The following LRFN5 variants were observed in gnomAD, a reference collection of about 807,000 sequenced individuals.
LRFN5 encodes the protein leucine-rich repeat and fibronectin type-III domain-containing protein 5.
LRFN5 carries 24 observed loss-of-function variants against 45.6 expected under a neutral mutation model. That is an observed-to-expected ratio of 0.53 (90% CI 0.38 to 0.74). LRFN5 has a LOEUF of 0.74. LRFN5 is among the 30% of genes least tolerant of loss of function. LRFN5 has a pLI of 0.00. For synonymous variants in LRFN5, 340 were observed against 313.8 expected, an observed-to-expected ratio of 1.08 and a Z score of -0.88; for missense variants, 776 against 861.5, an observed-to-expected ratio of 0.90 and a Z score of 1.24.
intron 1 of LRFN5, among the ~76,000 whole-genome samples, chr14:41,689,429 C>T (rs1478794854): frequency 2.0e-5 from 3 of 151,990 alleles, no homozygotes; most frequent in Non-Finnish European, 4.4e-5. Context: ...AAAATCACTA[C>T]TGATCTTACA....
chr14:41,844,973 A>C (rs958811866), intron 2 of LRFN5, among the ~76,000 whole-genome samples: 1 of 152,156 alleles, frequency 6.6e-6, no homozygotes, highest in African/African-American at 2.4e-5. Flanking sequence ...TTTTGGCTTC[A>C]TGGAGGCCAA....
chr14:41,670,298 T>C lies in LRFN5; in HGVS notation c.-197+61736T>C, dbSNP rs1441815033. Among the ~76,000 whole-genome samples, 239 of 45,490 alleles carry C rather than the reference T, an allele frequency of 5.3e-3. 6 individuals are homozygous for C. The highest frequency in any genetic ancestry group is 0.022 in the African/African-American group (214 of 9,666). 29.8% of individuals were successfully genotyped at this position (45,490 alleles called of 152,430 possible). A position where few individuals can be genotyped will look rare whatever the true frequency, so the allele number is the denominator to read the frequency against. On this transcript the variant is annotated intron_variant, in intron 1 of 5. Coordinates refer to ENST00000298119, the MANE Select transcript of LRFN5 (RefSeq NM_152447.5). The stretch of plus-strand genomic sequence containing the variant: ...ATATATATATATATATATATATATA[T>C]ATATATACACACACACAGAAAGAAC...
intron 1 of LRFN5, among the ~76,000 whole-genome samples, chr14:41,660,837 A>G (rs935713401): frequency 6.6e-6 from 1 of 150,700 alleles, no homozygotes; most frequent in Non-Finnish European, 1.5e-5. Context: ...ATATATATAT[A>G]TAATTTTCTA....
At chr14:41,807,709 C>T (rs1887571185) in intron 2 of LRFN5, among the ~76,000 whole-genome samples, 1 of 151,968 alleles carries the variant, frequency 6.6e-6, no homozygotes, top group Non-Finnish European at 1.5e-5. Flanking sequence ...ATAGGAACAG[C>T]ATGTGATGAA....
chr14:41,634,701 C>A (rs1333990637), intron 1 of LRFN5, among the ~76,000 whole-genome samples: 2 of 152,126 alleles, frequency 1.3e-5, no homozygotes, highest in Admixed American at 6.6e-5. Context: ...GTACTAACGA[C>A]CCTCTGCTTA....
intron 2 of LRFN5, among the ~76,000 whole-genome samples, chr14:41,880,285 G>C (rs59920165): frequency 0.015 from 2,310 of 151,682 alleles, 57 homozygotes; most frequent in African/African-American, 0.052. Flanking sequence ...TTTTTGATCT[G>C]ATTTCTATTT....
At chr14:41,783,071 T>A (rs1165782317) in intron 2 of LRFN5, among the ~76,000 whole-genome samples, 1 of 148,904 alleles carries the variant, frequency 6.7e-6, no homozygotes, top group Non-Finnish European at 1.5e-5. Context: ...CCTGGTAAAA[T>A]CATTTCCTTT....
chr14:41,665,771 A>G (rs1473180674), intron 1 of LRFN5, among the ~76,000 whole-genome samples: 5 of 152,040 alleles, frequency 3.3e-5, no homozygotes, highest in African/African-American at 2.4e-5. Flanking sequence ...GCTCACTTCA[A>G]TTTTAATGTG....
intron 1 of LRFN5, among the ~76,000 whole-genome samples, chr14:41,755,994 G>A (rs187045571): frequency 1.3e-5 from 2 of 152,158 alleles, no homozygotes; most frequent in Non-Finnish European, 2.9e-5. Flanking sequence ...TTGCTTGTCT[G>A]TAAAGTATTT....
chr14:41,623,402 T>C (rs1012969099), intron 1 of LRFN5, among the ~76,000 whole-genome samples: 1 of 152,090 alleles, frequency 6.6e-6, no homozygotes, highest in African/African-American at 2.4e-5. Flanking sequence ...CCTCTTTCCT[T>C]TATAAATTAC....
At chr14:41,636,333 G>A (rs184524207) in intron 1 of LRFN5, among the ~76,000 whole-genome samples, 1 of 152,274 alleles carries the variant, frequency 6.6e-6, no homozygotes, top group Admixed American at 6.5e-5. Context: ...GCAATTAGGA[G>A]TTTTAAAATT....
At chr14:41,672,477 T>A (rs1426559717) in intron 1 of LRFN5, among the ~76,000 whole-genome samples, 1 of 152,212 alleles carries the variant, frequency 6.6e-6, no homozygotes, top group African/African-American at 2.4e-5. Context: ...ATCAAATACT[T>A]CTTAGGAGTA....
chr14:41,860,103 TTCCAGCTA>T (rs1226860444), intron 2 of LRFN5, among the ~76,000 whole-genome samples: 1 of 152,160 alleles, frequency 6.6e-6, no homozygotes, highest in Non-Finnish European at 1.5e-5. Flanking sequence ...TTTAACACAA[TTCCAGCTA>T]TCCAGAAGAA....
intron 1 of LRFN5, among the ~76,000 whole-genome samples, chr14:41,686,452 C>A: frequency 6.6e-6 from 1 of 151,834 alleles, no homozygotes; most frequent in East Asian, 1.9e-4. Context: ...TTTGAATACC[C>A]TTTATTTCTT....
intron 2 of LRFN5, among the ~76,000 whole-genome samples, chr14:41,796,155 T>A (rs1204358454): frequency 1.3e-5 from 2 of 151,972 alleles, no homozygotes; most frequent in Admixed American, 1.3e-4. Flanking sequence ...AATTCAAAAA[T>A]CTGAGTAATT....
intron 2 of LRFN5, among the ~76,000 whole-genome samples, chr14:41,857,598 A>G (rs1889515453): frequency 6.6e-6 from 1 of 152,140 alleles, no homozygotes; most frequent in African/African-American, 2.4e-5. Flanking sequence ...GTTCATTCTT[A>G]AGTCCCACAT....
intron 2 of LRFN5, among the ~76,000 whole-genome samples, chr14:41,859,585 C>T (rs1278542571): frequency 1.3e-5 from 2 of 152,172 alleles, no homozygotes; most frequent in Admixed American, 6.5e-5. Context: ...ACTGTGCCTA[C>T]TTATAGCCAT....
At chr14:41,816,967 T>C (rs1478073359) in intron 2 of LRFN5, among the ~76,000 whole-genome samples, 1 of 151,696 alleles carries the variant, frequency 6.6e-6, no homozygotes, top group Admixed American at 6.6e-5. Context: ...TTTAAAAGTA[T>C]TATTTTTGTC....
At chr14:41,765,360 A>G (rs1287458416) in intron 1 of LRFN5, among the ~76,000 whole-genome samples, 1 of 151,870 alleles carries the variant, frequency 6.6e-6, no homozygotes, top group Non-Finnish European at 1.5e-5. Context: ...AGGAGGAAAA[A>G]AAAAAAAAAA....
Sources: allele counts gnomAD v4.1 joint callset (sites outside exome capture counted in the v4.1 genomes callset), GRCh38; gene constraint gnomAD v4.1.1; transcripts MANE v1.5; gene names NCBI Gene and HGNC (gene_info 2026-07-23, HGNC 2026-07-21).